The following HMGA2 variants were observed in gnomAD, a reference collection of about 807,000 sequenced individuals.
HMGA2 encodes high mobility group AT-hook 2.
HMGA2 carries 8 observed loss-of-function variants against 19.1 expected under a neutral mutation model. The ratio of observed to expected loss-of-function variants is 0.42; its 90% CI spans 0.25 to 0.76. The LOEUF is 0.76. Ranked by LOEUF, HMGA2 falls within the 30% of genes least tolerant of loss-of-function variation. The pLI is 0.28. For synonymous variants in HMGA2, 60 were observed against 48.8 expected, an observed-to-expected ratio of 1.23 and a Z score of -0.96; for missense variants, 109 against 136.3, an observed-to-expected ratio of 0.80 and a Z score of 1.00.
At chr12:65,896,689 A>G (rs2121156822) in intron 3 of HMGA2, among the ~76,000 whole-genome samples, 1 of 152,348 alleles carries the variant, frequency 6.6e-6, no homozygotes, top group South Asian at 2.1e-4. Flanking sequence ...TGTTGAACAT[A>G]AGATGATTCT....
chr12:65,859,918 TAA>T (rs572396261), intron 3 of HMGA2: 1,926 of 217,092 alleles, frequency 8.9e-3, no homozygotes, highest in South Asian at 0.019. Flanking sequence ...GCCCCATCTC[TAA>T]AAAAAAAAAA....
At chr12:65,881,758 A>G (rs1183828813) in intron 3 of HMGA2, 10 of 702,948 alleles carry the variant, frequency 1.4e-5, no homozygotes, top group Non-Finnish European at 2.1e-5. Flanking sequence ...GCTAATGAAG[A>G]GCCCGTGCTG....
At chr12:65,915,486 T>A (rs902332319) in intron 3 of HMGA2, 4 of 1,225,620 alleles carry the variant, frequency 3.3e-6, no homozygotes, top group Non-Finnish European at 4.1e-6. Flanking sequence ...ACAGTGTGGC[T>A]ATGGTGTGGT....
intron 2 of HMGA2, among the ~76,000 whole-genome samples, chr12:65,837,110 A>T (rs1345394559): frequency 6.6e-6 from 1 of 152,192 alleles, no homozygotes; most frequent in Non-Finnish European, 1.5e-5. Context: ...CCACTTTATA[A>T]GGCTGCTGTA....
At chr12:65,888,941 A>T (rs1463729450) in intron 3 of HMGA2, among the ~76,000 whole-genome samples, 1 of 152,042 alleles carries the variant, frequency 6.6e-6, no homozygotes, top group Non-Finnish European at 1.5e-5. Flanking sequence ...CACCATGCTC[A>T]GCCCGTCTAA....
At chr12:65,833,079 G>A (rs1413879684) in intron 2 of HMGA2, among the ~76,000 whole-genome samples, 1 of 152,036 alleles carries the variant, frequency 6.6e-6, no homozygotes, top group African/African-American at 2.4e-5. Context: ...GAACTACAAT[G>A]GGTGATGGAA....
chr12:65,851,596 A>G (rs937665410), intron 3 of HMGA2: 2 of 427,360 alleles, frequency 4.7e-6, no homozygotes, highest in African/African-American at 4.1e-5. Flanking sequence ...TGAACTCAGG[A>G]GGCGGAGTTT....
At chr12:65,906,109 T>A (rs1940591766) in intron 3 of HMGA2, among the ~76,000 whole-genome samples, 1 of 152,230 alleles carries the variant, frequency 6.6e-6, no homozygotes, top group Non-Finnish European at 1.5e-5. Context: ...TGCTGTTCCA[T>A]ATGTTAATTT....
intron 2 of HMGA2, among the ~76,000 whole-genome samples, chr12:65,829,593 C>T (rs1870385619): frequency 6.6e-6 from 1 of 151,870 alleles, no homozygotes; most frequent in African/African-American, 2.4e-5. Context: ...GGTATAATTC[C>T]TCTGAAAAAC....
At chr12:65,855,607 CTG>C (rs1016484922) in intron 3 of HMGA2, among the ~76,000 whole-genome samples, 2 of 152,074 alleles carry the variant, frequency 1.3e-5, no homozygotes, top group African/African-American at 4.8e-5. Context: ...ACAGTTCAAA[CTG>C]TGAATATTAA....
intron 3 of HMGA2, among the ~76,000 whole-genome samples, chr12:65,932,107 G>A (rs1359435031): frequency 6.6e-6 from 1 of 152,134 alleles, no homozygotes; most frequent in Non-Finnish European, 1.5e-5. Flanking sequence ...CACATTAATT[G>A]TCATTGCACC....
intron 3 of HMGA2, among the ~76,000 whole-genome samples, chr12:65,871,208 A>G (rs903995663): frequency 6.6e-6 from 1 of 152,198 alleles, no homozygotes; most frequent in Non-Finnish European, 1.5e-5. Context: ...AATAATATTT[A>G]TTATGTAAGA....
intron 3 of HMGA2, among the ~76,000 whole-genome samples, chr12:65,846,351 C>T (rs1005732845): frequency 6.6e-6 from 1 of 152,180 alleles, no homozygotes; most frequent in Admixed American, 6.5e-5. Flanking sequence ...GGCATCAAAT[C>T]TATGCTTACA....
chr12:65,901,404 A>C (rs925586211), intron 3 of HMGA2, among the ~76,000 whole-genome samples: 3 of 152,252 alleles, frequency 2.0e-5, no homozygotes, highest in African/African-American at 7.2e-5. Flanking sequence ...ATTGATATAA[A>C]GAAAAATATC....
intron 3 of HMGA2, among the ~76,000 whole-genome samples, chr12:65,888,349 G>A (rs947142543): frequency 1.3e-5 from 2 of 151,184 alleles, no homozygotes; most frequent in African/African-American, 2.4e-5. Context: ...CCAGCTACTC[G>A]GAGGCTGAGG....
chr12:65,875,778 C>G (rs770639984), intron 3 of HMGA2, among the ~76,000 whole-genome samples: 5 of 151,686 alleles, frequency 3.3e-5, no homozygotes, highest in Non-Finnish European at 7.4e-5. Flanking sequence ...AGTAGGCCTA[C>G]GTATGCCATT....
intron 3 of HMGA2, among the ~76,000 whole-genome samples, chr12:65,868,475 T>C (rs2121021308): frequency 6.6e-6 from 1 of 152,164 alleles, no homozygotes; most frequent in East Asian, 1.9e-4. Context: ...CAGATTACTC[T>C]CCGGGCTTTG....
At chr12:65,948,985 G>C (rs768781164) in intron 3 of HMGA2, among the ~76,000 whole-genome samples, 1 of 152,160 alleles carries the variant, frequency 6.6e-6, no homozygotes, top group Non-Finnish European at 1.5e-5. Flanking sequence ...AACGGTTTGG[G>C]AGTAAACATG....
At chr12:65,862,789 G>A (rs1872174714) in intron 3 of HMGA2, among the ~76,000 whole-genome samples, 1 of 152,198 alleles carries the variant, frequency 6.6e-6, no homozygotes, top group Admixed American at 6.5e-5. Flanking sequence ...AGCCATGGCT[G>A]TGGATAAAGA....
Sources: gnomAD v4.1 joint callset for allele counts (sites outside exome capture counted in the v4.1 genomes callset) on GRCh38, gnomAD v4.1.1 for gene constraint, MANE v1.5 for transcripts, NCBI Gene and HGNC (gene_info 2026-07-23, HGNC 2026-07-21) for gene names.